The following XPOT variants were observed in gnomAD, a reference collection of about 807,000 sequenced individuals.
The protein encoded by XPOT is exportin-T.
A neutral mutation model predicts 128.2 loss-of-function variants in XPOT; 34 were observed. The ratio of observed to expected loss-of-function variants is 0.27; its 90% CI spans 0.20 to 0.35. The LOEUF is 0.35. Among genes scored for constraint, XPOT ranks in the 10% least tolerant of loss-of-function variants. The probability of loss-of-function intolerance (pLI) is 1.00; values close to 1 mark genes in which losing one functional copy is unlikely to be tolerated. For missense variants in XPOT, 838 were observed against 1,125.3 expected (o/e 0.74, Z 3.65); for synonymous variants, 348 against 394.3 (o/e 0.88, Z 1.39).
Position 64,450,841 on chromosome 12 carries a change from A to G in XPOT, c.*2710A>G, listed in dbSNP as rs1470959952. ...CCTAACAGTTTAAATCTTAATGCTA[A>G]TGTTAATTGCTTCCCAGTTGGTTGA... On this transcript the variant is annotated 3_prime_UTR_variant, in exon 25 of 25. Coordinates refer to ENST00000332707, the MANE Select transcript of XPOT (RefSeq NM_007235.6). 3 of 152,220 alleles carry G rather than the reference A, an allele frequency of 2.0e-5. No homozygotes were observed. The highest frequency in any genetic ancestry group is 2.0e-4 in the Admixed American group (3 of 15,280). 9.4% of individuals were successfully genotyped at this position (152,220 alleles called of 1,614,324 possible).
chr12:64,440,087 T>C (rs1258725573), intron 23 of XPOT, among the ~76,000 whole-genome samples: 1 of 152,236 alleles, frequency 6.6e-6, no homozygotes, highest in Non-Finnish European at 1.5e-5. Flanking sequence ...ATATTCATCT[T>C]GCATAACTAA....
intron 23 of XPOT, chr12:64,443,396 G>A (rs1452645422): frequency 1.3e-5 from 2 of 152,148 alleles, no homozygotes; most frequent in Non-Finnish European, 2.9e-5. Flanking sequence ...GGGTAGCAAA[G>A]ACATTTTAAC....
In XPOT at chr12:64,404,547, C is replaced by CGCTT. The variant is rs568580764; in HGVS notation, c.-313_-310dup. ...CCCTTCCTGGGGCGCCGACCCCGCC[C>CGCTT]GCTTGCTTGCTTGCTTGCTTGCCTG... On this transcript the variant is annotated 5_prime_UTR_variant, in exon 1 of 25. Transcript: ENST00000332707. 1,519 of 154,466 alleles carry CGCTT rather than the reference C, an allele frequency of 9.8e-3. 24 individuals carry two copies. Among genetic ancestry groups the CGCTT allele is most frequent in the African/African-American group, 0.031 (1,273 of 41,552 alleles). The allele number at this position is 154,466 out of a possible 1,614,324, so 9.6% of individuals were successfully genotyped here. A position where few individuals can be genotyped will look rare whatever the true frequency, so the allele number is the denominator to read the frequency against.
At chr12:64,427,534 C>T (rs897951928) in intron 15 of XPOT, among the ~76,000 whole-genome samples, 5 of 152,018 alleles carry the variant, frequency 3.3e-5, no homozygotes, top group African/African-American at 9.7e-5. Flanking sequence ...CTCATGCTGT[C>T]GCCTAGGCTG....
intron 22 of XPOT, among the ~76,000 whole-genome samples, chr12:64,437,144 A>G (rs11175392): frequency 0.14 from 21,910 of 152,106 alleles, 2,039 homozygotes; most frequent in Non-Finnish European, 0.21. Flanking sequence ...AGTGTTTTCA[A>G]TTCAGCAGCA....
chr12:64,442,585 C>T (rs931305939), intron 23 of XPOT: 2 of 152,364 alleles, frequency 1.3e-5, no homozygotes, highest in African/African-American at 4.8e-5. Context: ...AGGGCACCTG[C>T]CCTTTAACTT....
chr12:64,436,459 C>T (rs2040282881), intron 22 of XPOT, among the ~76,000 whole-genome samples: 1 of 151,734 alleles, frequency 6.6e-6, no homozygotes, highest in South Asian at 2.1e-4. Context: ...GGGATTTCAC[C>T]ATGTTGGCCA....
chr12:64,437,062 C>CT (rs1307603218), intron 22 of XPOT, among the ~76,000 whole-genome samples: 1 of 152,182 alleles, frequency 6.6e-6, no homozygotes, highest in African/African-American at 2.4e-5. Context: ...AGAACATGAG[C>CT]TTTTGCTCAG....
intron 1 of XPOT, 125 bp from the exon 2 acceptor site, chr12:64,409,837 A>T: frequency 1.9e-6 from 1 of 532,416 alleles, no homozygotes. Context: ...AATTTAGATA[A>T]GTTCCAAAAT....
At chr12:64,409,730 G>A (rs896193429) in intron 1 of XPOT, 14 of 278,244 alleles carry the variant, frequency 5.0e-5, no homozygotes, top group Admixed American at 2.9e-4. Context: ...GTGAGACTCC[G>A]TCTCAAAAAA....
In XPOT at chr12:64,427,215, G is replaced by T. The variant is rs570797719; in HGVS notation, c.1668-836G>T. Among the ~76,000 whole-genome samples the T allele has an allele frequency of 4.7e-5, 7 of 150,322 alleles. No homozygotes were observed. The East Asian group carries it at 1.4e-3, about 30-fold the overall frequency. ...ACTCACTGCAACCCCTGCCTCCTGGGTTGAAGCGATTCTCCTGCCTCAGCC... is the reference window on the plus strand; with the variant it reads ...ACTCACTGCAACCCCTGCCTCCTGGTTTGAAGCGATTCTCCTGCCTCAGCC... On this transcript the variant is annotated intron_variant, in intron 15 of 24. Transcript: ENST00000332707.
rs1250876867 is a variant in XPOT, at chr12:64,425,658, G to A, written c.1573-157G>A. ...TAGTCAACTAAAACAAGTTCTCAAG[G>A]GACTGTTTGTGTGTAGTTTAGAATT... On this transcript the variant is annotated intron_variant, in intron 14 of 24. Transcript: ENST00000332707. The A allele has an allele frequency of 4.2e-6, 4 of 945,652 alleles. No individual in the cohort carries two copies. In the Admixed American group the frequency reaches 6.9e-5, roughly 16 times the overall value. The allele number at this position is 945,652 out of a possible 1,614,324, so 58.6% of individuals were successfully genotyped here.
At chr12:64,428,939 G>A (rs993839479) in intron 16 of XPOT, among the ~76,000 whole-genome samples, 1 of 152,098 alleles carries the variant, frequency 6.6e-6, no homozygotes, top group Non-Finnish European at 1.5e-5. Context: ...TGTCACTATG[G>A]TTAGTAGTTG....
At chr12:64,421,208 A>C in intron 8 of XPOT, 27 bp from the exon 9 acceptor site, 2 of 1,561,968 alleles carry the variant, frequency 1.3e-6, no homozygotes, top group Non-Finnish European at 1.8e-6. Flanking sequence ...GCAGTTTTAA[A>C]CAGAGATGTG....
intron 8 of XPOT, among the ~76,000 whole-genome samples, chr12:64,420,912 T>C (rs1420550438): frequency 6.6e-6 from 1 of 152,204 alleles, no homozygotes; most frequent in African/African-American, 2.4e-5. Flanking sequence ...GTGATTCTCC[T>C]GTCTCAGCCT....
intron 1 of XPOT, among the ~76,000 whole-genome samples, chr12:64,405,717 C>T (rs1218247076): frequency 6.6e-6 from 1 of 152,156 alleles, no homozygotes; most frequent in African/African-American, 2.4e-5. Flanking sequence ...CTCCCAGGTT[C>T]AAGTGATTCT....
intron 2 of XPOT, among the ~76,000 whole-genome samples, chr12:64,412,454 T>A (rs572272534): frequency 6.6e-6 from 1 of 152,164 alleles, no homozygotes; most frequent in Non-Finnish European, 1.5e-5. Context: ...AAATATTAGG[T>A]GGTAATGCAA....
intron 12 of XPOT, 24 bp downstream of exon 12, chr12:64,424,747 A>C: frequency 6.2e-7 from 1 of 1,611,472 alleles, no homozygotes; most frequent in Non-Finnish European, 8.5e-7. Flanking sequence ...TACTTTTGTA[A>C]CAAGCCTACT....
Position 64,448,378 on chromosome 12 carries a change from A to G in XPOT, c.*247A>G, listed in dbSNP as rs2040382160. ...GATGCTCTTAAAAGACACAAGAGTT[A>G]TCCTAGAACCTTAATTCTTTTTTAT... On this transcript the variant is annotated 3_prime_UTR_variant, in exon 25 of 25. Coordinates refer to ENST00000332707, the MANE Select transcript of XPOT (RefSeq NM_007235.6). The G allele has an allele frequency of 2.2e-6, 1 of 449,962 alleles. No individual in the cohort carries two copies. The highest frequency in any genetic ancestry group is 4.3e-5 in the South Asian group (1 of 23,388). The allele number at this position is 449,962 out of a possible 1,614,324, so 27.9% of individuals were successfully genotyped here. A position where few individuals can be genotyped will look rare whatever the true frequency, so the allele number is the denominator to read the frequency against.
Sources: gnomAD v4.1 joint callset for allele counts (sites outside exome capture counted in the v4.1 genomes callset) on GRCh38, gnomAD v4.1.1 for gene constraint, MANE v1.5 for transcripts, NCBI Gene and HGNC (gene_info 2026-07-23, HGNC 2026-07-21) for gene names.